MTAP: variants seen among roughly 807,000 people sequenced by gnomAD.
MTAP encodes the protein methylthioadenosine phosphorylase.
MTAP carries 33 observed loss-of-function variants against 33.6 expected under a neutral mutation model. The observed-to-expected ratio is 0.98, with a 90% CI of 0.74 to 1.31. The LOEUF is 1.31. Ranked by LOEUF, MTAP falls within the 40% of genes most tolerant of loss-of-function variation. MTAP has a pLI of 0.00. For missense variants in MTAP, 367 were observed against 360.0 expected, an observed-to-expected ratio of 1.02 and a Z score of -0.16; for synonymous variants, 148 against 125.7, an observed-to-expected ratio of 1.18 and a Z score of -1.19.
chr9:21,939,494 C>T (rs1170710597), downstream of MTAP, among the ~76,000 whole-genome samples: 1 of 152,110 alleles, frequency 6.6e-6, no homozygotes, highest in Non-Finnish European at 1.5e-5. Flanking sequence ...TACCTGATCC[C>T]TCCAGAATTC....
At chr9:21,855,474 G>A (rs1388428266) in intron 6 of MTAP, among the ~76,000 whole-genome samples, 5 of 152,196 alleles carry the variant, frequency 3.3e-5, no homozygotes, top group Non-Finnish European at 5.9e-5. Context: ...TGAAGTATGA[G>A]AAGCCTTCCT....
chr9:21,819,057 A>T (rs1450127840), intron 4 of MTAP, among the ~76,000 whole-genome samples: 1 of 151,712 alleles, frequency 6.6e-6, no homozygotes, highest in Non-Finnish European at 1.5e-5. Flanking sequence ...GTCCAGGTTC[A>T]CCCATGTTGT....
chr9:21,823,056 C>T (rs1824687308), intron 4 of MTAP, among the ~76,000 whole-genome samples: 1 of 152,182 alleles, frequency 6.6e-6, no homozygotes, highest in Non-Finnish European at 1.5e-5. Context: ...GAATACAGCA[C>T]ACTGATGGGT....
rs1195806329 is a variant in MTAP at position 21,866,141 on chromosome 9, A to G, written c.*4127A>G. The G allele has an allele frequency of 6.6e-6, 1 of 152,216 alleles. No homozygotes were observed. The highest frequency in any genetic ancestry group is 1.5e-5 in the Non-Finnish European group (1 of 68,044). 9.4% of individuals were successfully genotyped at this position (152,216 alleles called of 1,614,324 possible). Reference sequence around the variant, plus strand: ...TTTTGATTTGCATTTTTCTGATTAAAGATGTTGAACTTCTTTTCATGTGCT... The same window carrying G: ...TTTTGATTTGCATTTTTCTGATTAAGGATGTTGAACTTCTTTTCATGTGCT... On this transcript the variant is annotated 3_prime_UTR_variant, in exon 8 of 8. Coordinates refer to ENST00000644715, the MANE Select transcript of MTAP (RefSeq NM_002451.4).
chr9:21,939,880 CT>C (rs1380521039), downstream of MTAP, among the ~76,000 whole-genome samples: 1 of 150,424 alleles, frequency 6.6e-6, no homozygotes, highest in Non-Finnish European at 1.5e-5. Context: ...GAGACTCTGT[CT>C]CAAAAAAAAA....
At chr9:21,930,450 A>G (rs758988870) in intron 1 of MTAP, 20 of 215,030 alleles carry the variant, frequency 9.3e-5, no homozygotes, top group Non-Finnish European at 1.6e-4. Context: ...CTCCCTGGCA[A>G]TCTCTCTCTT....
intron 1 of MTAP, among the ~76,000 whole-genome samples, chr9:21,912,008 C>T (rs376777237): frequency 1.8e-4 from 28 of 152,098 alleles, no homozygotes; most frequent in Middle Eastern, 3.2e-3. Context: ...AACACCTCTA[C>T]GCAAATAAAC....
At chr9:21,920,056 C>T (rs1587298288) in intron 1 of MTAP, among the ~76,000 whole-genome samples, 1 of 151,906 alleles carries the variant, frequency 6.6e-6, no homozygotes, top group Admixed American at 6.6e-5. Context: ...GACAAGAGAA[C>T]AAGAATATTC....
At chr9:21,803,809 A>G (rs1824132540) in intron 1 of MTAP, among the ~76,000 whole-genome samples, 1 of 152,092 alleles carries the variant, frequency 6.6e-6, no homozygotes, top group African/African-American at 2.4e-5. Context: ...GATTCCCTAC[A>G]CTCGACTGCA....
chr9:21,802,696 G>A lies in MTAP; in HGVS notation c.-53G>A, dbSNP rs2117847761. 1.3e-6 allele frequency: 2 copies of A among 1,585,090 alleles called. No individual in the cohort carries two copies. The highest frequency in any genetic ancestry group is 1.1e-5 in the South Asian group (1 of 87,486). On this transcript the variant is annotated 5_prime_UTR_variant, in exon 1 of 8. Coordinates refer to ENST00000644715, the MANE Select transcript of MTAP (RefSeq NM_002451.4). ...ACAGCCACCGCTCTGTGGCTCGCTT[G>A]GTTCCCTTAGTCCCGAGCGCTCGCC...
intron 1 of MTAP, among the ~76,000 whole-genome samples, chr9:21,803,793 C>T (rs1231159461): frequency 6.6e-6 from 1 of 152,136 alleles, no homozygotes; most frequent in African/African-American, 2.4e-5. Context: ...TTCTCCAAAG[C>T]ATCTCGATTC....
At position 21,856,867 on chromosome 9, in the gene MTAP, G is replaced by T. The variant is rs2118533009; in HGVS notation, c.690+1997G>T. On this transcript the variant is annotated intron_variant, in intron 6 of 7. Transcript: ENST00000644715. ...GTTGCTCCATTTGCTTGTCACATTG[G>T]GCGAGTTATTTCACTTGTTTACTCT... Among the ~76,000 whole-genome samples the T allele has an allele frequency of 2.0e-5, 3 of 152,286 alleles. No homozygotes were observed. In the South Asian group the frequency reaches 6.2e-4, roughly 32 times the overall value.
At chr9:21,854,899 T>A in intron 6 of MTAP, 29 bp downstream of exon 6, 1 of 1,610,974 alleles carries the variant, frequency 6.2e-7, no homozygotes, top group Non-Finnish European at 8.5e-7. Flanking sequence ...TAAGCACATA[T>A]AGCATGGGTT....
At chr9:21,806,434 T>G (rs1005534687) in intron 1 of MTAP, among the ~76,000 whole-genome samples, 9 of 151,568 alleles carry the variant, frequency 5.9e-5, no homozygotes, top group Non-Finnish European at 1.0e-4. Flanking sequence ...CCAAGGAGGG[T>G]GAGTGTAGGA....
chr9:21,830,050 A>G (rs1273056946), intron 4 of MTAP, among the ~76,000 whole-genome samples: 2 of 152,164 alleles, frequency 1.3e-5, no homozygotes, highest in East Asian at 3.8e-4. Context: ...AGTGGGTTCA[A>G]GTATGTTTGG....
intron 4 of MTAP, among the ~76,000 whole-genome samples, chr9:21,828,484 G>A (rs1445660556): frequency 6.6e-6 from 1 of 152,048 alleles, no homozygotes; most frequent in African/African-American, 2.4e-5. Flanking sequence ...GACCAGCCTG[G>A]TCAACATGGT....
chr9:21,804,205 G>A (rs1408571951), intron 1 of MTAP, among the ~76,000 whole-genome samples: 1 of 152,172 alleles, frequency 6.6e-6, no homozygotes, highest in Non-Finnish European at 1.5e-5. Flanking sequence ...GCTTATAAGT[G>A]GGGGAACTGA....
chr9:21,915,221 T>C (rs1818668627), intron 1 of MTAP, among the ~76,000 whole-genome samples: 1 of 151,716 alleles, frequency 6.6e-6, no homozygotes. Context: ...CTTGTGTAGC[T>C]GGGACTACAG....
At chr9:21,823,480 C>T (rs1174477985) in intron 4 of MTAP, among the ~76,000 whole-genome samples, 3 of 152,220 alleles carry the variant, frequency 2.0e-5, no homozygotes, top group Non-Finnish European at 2.9e-5. Context: ...GCCGAGAGAT[C>T]TGCTTTTAGT....
Sources: gnomAD v4.1 joint callset for allele counts (sites outside exome capture counted in the v4.1 genomes callset) on GRCh38, gnomAD v4.1.1 for gene constraint, MANE v1.5 for transcripts, NCBI Gene and HGNC (gene_info 2026-07-23, HGNC 2026-07-21) for gene names.